Variants in ASIC2 observed in about 807,000 individuals in gnomAD.
The protein encoded by ASIC2 is acid-sensing ion channel 2.
A neutral mutation model predicts 57.3 loss-of-function variants in ASIC2; 25 were observed. The ratio of observed to expected loss-of-function variants is 0.44; its 90% CI spans 0.32 to 0.61. ASIC2 has a LOEUF of 0.61. ASIC2 is among the 20% of genes least tolerant of loss of function. The probability of loss-of-function intolerance (pLI) is 0.06; values close to 1 mark genes in which losing one functional copy is unlikely to be tolerated. For missense variants in ASIC2, 641 were observed against 738.1 expected (o/e 0.87, Z 1.52); for synonymous variants, 319 against 307.5 (o/e 1.04, Z -0.39).
chr17:33,610,227 G>A (rs1400903018), intron 1 of ASIC2, among the ~76,000 whole-genome samples: 3 of 152,082 alleles, frequency 2.0e-5, no homozygotes, highest in African/African-American at 4.8e-5. Flanking sequence ...GCACGATCTC[G>A]GCTTACTGTA....
At chr17:34,053,235 T>C (rs1421326922) in intron 1 of ASIC2, among the ~76,000 whole-genome samples, 1 of 152,198 alleles carries the variant, frequency 6.6e-6, no homozygotes, top group African/African-American at 2.4e-5. Context: ...ATTGTTATTA[T>C]GATCGTATAT....
At chr17:33,962,587 G>A (rs530701031) in intron 1 of ASIC2, among the ~76,000 whole-genome samples, 5 of 152,168 alleles carry the variant, frequency 3.3e-5, no homozygotes, top group Non-Finnish European at 7.3e-5. Flanking sequence ...GGTCAGGAAT[G>A]AAGTGCTCAT....
chr17:33,218,925 A>G (rs376929), intron 1 of ASIC2, among the ~76,000 whole-genome samples: 108,208 of 152,030 alleles, frequency 0.71, 38,762 homozygotes, highest in Middle Eastern at 0.8. Context: ...TTCCAACCAC[A>G]CCCGTGGAAG....
intron 1 of ASIC2, among the ~76,000 whole-genome samples, chr17:33,592,574 C>T (rs1226852728): frequency 6.6e-6 from 1 of 152,260 alleles, no homozygotes; most frequent in Non-Finnish European, 1.5e-5. Flanking sequence ...TGCTTGCTAT[C>T]TCATTTGCTT....
intron 1 of ASIC2, among the ~76,000 whole-genome samples, chr17:33,998,398 T>G (rs1906230541): frequency 6.6e-6 from 1 of 152,172 alleles, no homozygotes; most frequent in Non-Finnish European, 1.5e-5. Context: ...TTTATTATTT[T>G]CTTCTTTCTG....
chr17:34,035,825 A>G (rs1285866745), intron 1 of ASIC2, among the ~76,000 whole-genome samples: 1 of 152,182 alleles, frequency 6.6e-6, no homozygotes, highest in South Asian at 2.1e-4. Flanking sequence ...AATCAAAACC[A>G]CAATGAGATA....
chr17:33,594,588 G>A (rs529896079), intron 1 of ASIC2, among the ~76,000 whole-genome samples: 3 of 152,286 alleles, frequency 2.0e-5, no homozygotes, highest in South Asian at 2.1e-4. Flanking sequence ...CAGCACTGTG[G>A]GAGGCTGAGG....
At chr17:33,585,844 A>G (rs1041789518) in intron 1 of ASIC2, among the ~76,000 whole-genome samples, 1 of 152,230 alleles carries the variant, frequency 6.6e-6, no homozygotes, top group East Asian at 1.9e-4. Flanking sequence ...TTACTTTATT[A>G]CATATATGTC....
intron 1 of ASIC2, among the ~76,000 whole-genome samples, chr17:33,511,697 C>T (rs1914436212): frequency 1.3e-5 from 2 of 152,234 alleles, no homozygotes. Context: ...CATACTCACT[C>T]TACTACCCTC....
At chr17:33,590,119 T>C (rs1372371060) in intron 1 of ASIC2, among the ~76,000 whole-genome samples, 1 of 152,144 alleles carries the variant, frequency 6.6e-6, no homozygotes, top group Non-Finnish European at 1.5e-5. Flanking sequence ...TCTGGGTTCA[T>C]TCAGGAAAAG....
At chr17:33,092,066 C>T (rs1404580415) in intron 2 of ASIC2, among the ~76,000 whole-genome samples, 3 of 152,200 alleles carry the variant, frequency 2.0e-5, no homozygotes, top group Non-Finnish European at 2.9e-5. Flanking sequence ...ACTCCGCCAT[C>T]TTGCCTTCCT....
intron 1 of ASIC2, among the ~76,000 whole-genome samples, chr17:33,389,565 T>C (rs1271886788): frequency 6.6e-6 from 1 of 152,176 alleles, no homozygotes; most frequent in Non-Finnish European, 1.5e-5. Context: ...GAAAAAACTA[T>C]GAGGCTAGCT....
At chr17:33,665,345 C>A (rs1239285833) in intron 1 of ASIC2, among the ~76,000 whole-genome samples, 6 of 152,080 alleles carry the variant, frequency 3.9e-5, no homozygotes, top group Non-Finnish European at 4.4e-5. Context: ...ATTCTGTAGA[C>A]AATGGCACCG....
intron 1 of ASIC2, among the ~76,000 whole-genome samples, chr17:34,021,233 C>T (rs1322085797): frequency 6.6e-6 from 1 of 151,920 alleles, no homozygotes; most frequent in Non-Finnish European, 1.5e-5. Context: ...CTCTAGAAAC[C>T]TATTGAAATA....
intron 2 of ASIC2, among the ~76,000 whole-genome samples, chr17:33,103,254 A>G (rs1239237367): frequency 6.6e-6 from 1 of 152,172 alleles, no homozygotes; most frequent in Non-Finnish European, 1.5e-5. Context: ...AAAGGCGTAT[A>G]TGGTGTCTAA....
rs560430270 is a variant in ASIC2, at chr17:33,494,764, C to T, written c.556-382697G>A. ...CCACTTCGGAGCATTCTGAACTCCG[C>T]TTTCTTTTGATGAAACTTTTTCTCT... On this transcript the variant is annotated intron_variant, in intron 1 of 9. Coordinates refer to the ASIC2 transcript ENST00000359872. 5.3e-5 allele frequency among the ~76,000 whole-genome samples: 8 copies of T among 152,320 alleles called. No individual in the cohort carries two copies. In the East Asian group the frequency reaches 1.5e-3, roughly 29 times the overall value.
intron 1 of ASIC2, among the ~76,000 whole-genome samples, chr17:33,488,076 C>G (rs377089009): frequency 4.1e-4 from 62 of 152,310 alleles, no homozygotes; most frequent in African/African-American, 1.3e-3. Context: ...AGAACCTTGA[C>G]TAATACAGTT....
rs1410673743 is a variant in ASIC2, at chr17:33,168,609, A to G, written c.709-56542T>C. Reference sequence around the variant, plus strand: ...ATACAGTTGCAAAGAACTTGGTGGAATTGTACTTGTGTCCTAGGACTTTGT... The same window carrying G: ...ATACAGTTGCAAAGAACTTGGTGGAGTTGTACTTGTGTCCTAGGACTTTGT... On this transcript the variant is annotated intron_variant, in intron 1 of 9. Transcript: ENST00000225823. 3.3e-5 allele frequency among the ~76,000 whole-genome samples: 5 copies of G among 152,210 alleles called. No homozygotes were observed. In the East Asian group the frequency reaches 9.6e-4, roughly 29 times the overall value.
intron 1 of ASIC2, among the ~76,000 whole-genome samples, chr17:34,042,409 A>C (rs1908173202): frequency 6.6e-6 from 1 of 152,234 alleles, no homozygotes; most frequent in African/African-American, 2.4e-5. Context: ...AACAGGAATA[A>C]ATTTCAAAAG....
Sources: allele counts gnomAD v4.1 joint callset (sites outside exome capture counted in the v4.1 genomes callset), GRCh38; gene constraint gnomAD v4.1.1; transcripts MANE v1.5; gene names NCBI Gene and HGNC (gene_info 2026-07-23, HGNC 2026-07-21).